Variants in KSR2 observed in about 807,000 individuals in gnomAD.
KSR2 encodes the protein kinase suppressor of ras 2.
A neutral mutation model predicts 107.8 loss-of-function variants in KSR2; 25 were observed. The ratio of observed to expected loss-of-function variants is 0.23; its 90% CI spans 0.17 to 0.32. The LOEUF (loss-of-function observed/expected upper bound fraction) is 0.32, where lower values mean the gene tolerates loss of function less well. Among genes scored for constraint, KSR2 ranks in the 10% least tolerant of loss-of-function variants. The pLI, the probability that KSR2 is intolerant of heterozygous loss-of-function variation, is 1.00. For missense variants in KSR2, 887 were observed against 1,268.9 expected, an observed-to-expected ratio of 0.70 and a Z score of 4.57; for synonymous variants, 480 against 507.0, an observed-to-expected ratio of 0.95 and a Z score of 0.71.
chr12:117,799,115 A>T (rs1166981966), intron 3 of KSR2, among the ~76,000 whole-genome samples: 5 of 152,232 alleles, frequency 3.3e-5, no homozygotes, highest in Non-Finnish European at 2.9e-5. Context: ...ACAGAGCTCT[A>T]TTTGGTGTGA....
At chr12:117,947,926 A>G (rs752550922) in intron 1 of KSR2, among the ~76,000 whole-genome samples, 7 of 152,158 alleles carry the variant, frequency 4.6e-5, no homozygotes, top group Non-Finnish European at 7.3e-5. Context: ...GACTTTAGTT[A>G]GTTAATATAG....
At chr12:117,866,170 G>C (rs940165401) in intron 1 of KSR2, among the ~76,000 whole-genome samples, 2 of 151,820 alleles carry the variant, frequency 1.3e-5, no homozygotes, top group Non-Finnish European at 2.9e-5. Context: ...TCATGTAGCT[G>C]GGACAACAGG....
chr12:117,919,961 T>C (rs1895291532), intron 1 of KSR2, among the ~76,000 whole-genome samples: 1 of 152,234 alleles, frequency 6.6e-6, no homozygotes, highest in African/African-American at 2.4e-5. Context: ...TTCTATAGAT[T>C]ACAATGTAGC....
intron 10 of KSR2, among the ~76,000 whole-genome samples, chr12:117,532,260 G>A (rs1261037074): frequency 6.6e-6 from 1 of 152,168 alleles, no homozygotes; most frequent in African/African-American, 2.4e-5. Flanking sequence ...CTGAAATCAA[G>A]CTTAGTTCCT....
Position 117,859,107 on chromosome 12 carries a change from G to C in KSR2, c.321+1184C>G, listed in dbSNP as rs11068700. Among the ~76,000 whole-genome samples the C allele has an allele frequency of 0.021, 3,060 of 149,188 alleles. 231 individuals carry two copies. In the East Asian group the frequency reaches 0.26, roughly 13 times the overall value. ...CAACAGTAACAGGCTGGCATCTACT[G>C]AGTGCTATTTGGTGCCAGAATATGA... On this transcript the variant is annotated intron_variant, in intron 2 of 19. Transcript: ENST00000339824.
intron 3 of KSR2, among the ~76,000 whole-genome samples, chr12:117,852,681 A>T (rs1039207525): frequency 6.6e-6 from 1 of 152,344 alleles, no homozygotes; most frequent in African/African-American, 2.4e-5. Flanking sequence ...GAATTCTGAA[A>T]AGCAATTAAA....
chr12:117,481,135 C>G (rs985759319), intron 16 of KSR2, among the ~76,000 whole-genome samples: 27 of 152,134 alleles, frequency 1.8e-4, no homozygotes, highest in African/African-American at 6.3e-4. Flanking sequence ...ATCATCAAAA[C>G]AGCCTTATGA....
At chr12:117,487,231 T>G (rs1872513753) in intron 14 of KSR2, among the ~76,000 whole-genome samples, 1 of 152,234 alleles carries the variant, frequency 6.6e-6, no homozygotes, top group South Asian at 2.1e-4. Flanking sequence ...CAAATATATA[T>G]AAGTGATATA....
At chr12:117,546,041 T>C (rs985362915) in intron 9 of KSR2, among the ~76,000 whole-genome samples, 7 of 152,234 alleles carry the variant, frequency 4.6e-5, no homozygotes, top group Admixed American at 4.6e-4. Context: ...GTATATGTAC[T>C]ATTGTATCTA....
At chr12:117,963,681 C>T (rs898259881) in intron 1 of KSR2, among the ~76,000 whole-genome samples, 1 of 152,176 alleles carries the variant, frequency 6.6e-6, no homozygotes, top group Admixed American at 6.5e-5. Context: ...TCTCCTTCCA[C>T]AAAGGGATGA....
intron 5 of KSR2, among the ~76,000 whole-genome samples, chr12:117,634,025 A>C (rs1882934401): frequency 6.6e-6 from 1 of 152,180 alleles, no homozygotes; most frequent in Non-Finnish European, 1.5e-5. Flanking sequence ...CCTATCTGGC[A>C]ATCAGTCCAT....
chr12:117,640,384 G>C (rs949077140), intron 5 of KSR2, among the ~76,000 whole-genome samples: 3 of 152,092 alleles, frequency 2.0e-5, no homozygotes, highest in Admixed American at 6.5e-5. Context: ...CCCAGTAGCT[G>C]GGATTACAGG....
At chr12:117,824,431 AG>A (rs1296855138) in intron 3 of KSR2, among the ~76,000 whole-genome samples, 1 of 152,246 alleles carries the variant, frequency 6.6e-6, no homozygotes, top group Non-Finnish European at 1.5e-5. Flanking sequence ...TCTAGCATAA[AG>A]AAAAGACAAA....
At chr12:117,816,699 A>G (rs1891382862) in intron 3 of KSR2, among the ~76,000 whole-genome samples, 1 of 152,188 alleles carries the variant, frequency 6.6e-6, no homozygotes, top group Non-Finnish European at 1.5e-5. Flanking sequence ...TCCTCAGTGC[A>G]CAGCACAGAA....
At chr12:117,480,330 G>T (rs1872098960) in intron 16 of KSR2, among the ~76,000 whole-genome samples, 1 of 152,154 alleles carries the variant, frequency 6.6e-6, no homozygotes. Context: ...CCTGGCACGG[G>T]TGTGGTAGGG....
intron 5 of KSR2, among the ~76,000 whole-genome samples, chr12:117,643,272 C>T (rs367647832): frequency 6.6e-6 from 1 of 152,170 alleles, no homozygotes; most frequent in African/African-American, 2.4e-5. Flanking sequence ...GAAACCCCAT[C>T]TCTCCTAGAA....
At chr12:117,836,146 A>G (rs2137135932) in intron 3 of KSR2, among the ~76,000 whole-genome samples, 1 of 152,264 alleles carries the variant, frequency 6.6e-6, no homozygotes, top group East Asian at 1.9e-4. Context: ...TTTCTGCTCC[A>G]AAGTACTAAA....
intron 14 of KSR2, among the ~76,000 whole-genome samples, chr12:117,500,584 G>C (rs185422179): frequency 6.6e-6 from 1 of 152,142 alleles, no homozygotes; most frequent in African/African-American, 2.4e-5. Context: ...TTTGATACTA[G>C]CATCTTATTC....
intron 14 of KSR2, among the ~76,000 whole-genome samples, chr12:117,500,377 T>C (rs1372348847): frequency 1.3e-5 from 2 of 152,192 alleles, no homozygotes; most frequent in South Asian, 4.1e-4. Context: ...GTGGCATTTC[T>C]GAACCTCACC....
Sources: allele counts gnomAD v4.1 joint callset (sites outside exome capture counted in the v4.1 genomes callset), GRCh38; gene constraint gnomAD v4.1.1; transcripts MANE v1.5; gene names NCBI Gene and HGNC (gene_info 2026-07-23, HGNC 2026-07-21).